Variants in MMP16 observed in about 807,000 individuals in gnomAD.
The protein encoded by MMP16 is matrix metalloproteinase-16.
Under a neutral mutation model 67.8 loss-of-function variants are expected in MMP16, and 12 were observed. The ratio of observed to expected loss-of-function variants is 0.18; its 90% confidence interval spans 0.11 to 0.29. MMP16 has a LOEUF of 0.29. Ranked by LOEUF, MMP16 falls within the 10% of genes least tolerant of loss-of-function variation. The pLI is 1.00. For synonymous variants in MMP16, 249 were observed against 255.9 expected, an observed-to-expected ratio of 0.97 and a Z score of 0.26; for missense variants, 475 against 765.7, an observed-to-expected ratio of 0.62 and a Z score of 4.48.
intron 1 of MMP16, among the ~76,000 whole-genome samples, chr8:88,215,933 T>C (rs1027831084): frequency 3.3e-5 from 5 of 152,210 alleles, no homozygotes; most frequent in African/African-American, 4.8e-5. Flanking sequence ...ACATATCATC[T>C]TGATAGCCTT....
chr8:88,235,673 G>A (rs6469306), intron 1 of MMP16, among the ~76,000 whole-genome samples: 2 of 152,026 alleles, frequency 1.3e-5, no homozygotes, highest in Admixed American at 1.3e-4. Flanking sequence ...TGTCTAGCTT[G>A]CATAGCTCTT....
In MMP16 at chr8:88,213,285, C is replaced by T. The variant is rs372628399; in HGVS notation, c.133-15979G>A. ...CATGCCATTCTGACTTGATAAATAC[C>T]GCAAATTAAAATTTGAAATGGGTCA... On this transcript the variant is annotated intron_variant, in intron 1 of 9. Coordinates refer to ENST00000286614, the MANE Select transcript of MMP16 (RefSeq NM_005941.5). 1.6e-3 allele frequency among the ~76,000 whole-genome samples: 248 copies of T among 152,052 alleles called. 1 individual carries two copies. Among genetic ancestry groups the T allele is most frequent in the African/African-American group, 5.8e-3 (240 of 41,472 alleles).
At chr8:88,083,921 T>C (rs751899435) in intron 6 of MMP16, among the ~76,000 whole-genome samples, 1 of 152,022 alleles carries the variant, frequency 6.6e-6, no homozygotes, top group Non-Finnish European at 1.5e-5. Context: ...AAAATTTTCA[T>C]GTTGTGGTAA....
chr8:88,229,030 A>G (rs1045336462), intron 1 of MMP16, among the ~76,000 whole-genome samples: 2 of 151,778 alleles, frequency 1.3e-5, no homozygotes, highest in African/African-American at 4.8e-5. Flanking sequence ...GTGTGGTAGT[A>G]CACACCTGTA....
At chr8:88,054,021 T>C (rs578186725) in intron 8 of MMP16, among the ~76,000 whole-genome samples, 1 of 152,284 alleles carries the variant, frequency 6.6e-6, no homozygotes, top group East Asian at 1.9e-4. Context: ...GCATCTAACC[T>C]CCACTGATTT....
intron 1 of MMP16, among the ~76,000 whole-genome samples, chr8:88,210,629 G>A (rs940188212): frequency 6.6e-6 from 1 of 152,088 alleles, no homozygotes; most frequent in Non-Finnish European, 1.5e-5. Context: ...ATATAGCAAA[G>A]ATTAGCAGCT....
At chr8:88,208,854 A>C (rs531951257) in intron 1 of MMP16, among the ~76,000 whole-genome samples, 3 of 151,856 alleles carry the variant, frequency 2.0e-5, no homozygotes, top group East Asian at 1.9e-4. Flanking sequence ...AAAAAAAAAT[A>C]AAAAGAGGAG....
rs143422334 is a variant in MMP16, at chr8:88,205,938, C to T, written c.133-8632G>A. ...ATTCTTTTTTCTTTTACCTCATCAT[C>T]GATATCCAATCCATCATCAGGTTTT... On this transcript the variant is annotated intron_variant, in intron 1 of 9. Coordinates refer to ENST00000286614, the MANE Select transcript of MMP16 (RefSeq NM_005941.5). 8.6e-3 allele frequency among the ~76,000 whole-genome samples: 1,301 copies of T among 152,074 alleles called. 32 individuals carry two copies. Among genetic ancestry groups the T allele is most frequent in the South Asian group, 0.085 (408 of 4,808 alleles).
At chr8:88,194,121 A>G (rs1809213774) in intron 2 of MMP16, among the ~76,000 whole-genome samples, 1 of 151,994 alleles carries the variant, frequency 6.6e-6, no homozygotes, top group Non-Finnish European at 1.5e-5. Context: ...ATTGTTTGAA[A>G]ATGGTTAATT....
chr8:88,172,201 AT>A (rs959151801), intron 3 of MMP16, among the ~76,000 whole-genome samples: 9 of 151,940 alleles, frequency 5.9e-5, no homozygotes, highest in Non-Finnish European at 1.0e-4. Context: ...GTAACCCCTC[AT>A]TTTTTTTATG....
intron 1 of MMP16, among the ~76,000 whole-genome samples, chr8:88,206,985 A>C (rs1436156937): frequency 6.6e-6 from 1 of 152,176 alleles, no homozygotes; most frequent in Non-Finnish European, 1.5e-5. Context: ...TTTTTCATTA[A>C]ATACAGTGGA....
At chr8:88,060,223 C>T (rs937406175) in intron 7 of MMP16, among the ~76,000 whole-genome samples, 2 of 152,088 alleles carry the variant, frequency 1.3e-5, no homozygotes, top group African/African-American at 4.8e-5. Context: ...TGAGCCCAAG[C>T]CTGTTGGCCA....
Position 88,056,149 on chromosome 8 carries a change from G to T in MMP16, c.1352C>A (p.Thr451Asn). Reference protein sequence around the residue: ...SAIWWEDVGKTYFFKGDRYWR... With the variant: ...SAIWWEDVGKNYFFKGDRYWR... ...TGACCTGTCTCCCTTGAAGAAATAG[G>T]TTTTCCCGACGTCCTCCCACCAAAT... Residue 451 changes from threonine (T) to asparagine (N), a missense_variant, in exon 8 of 10, where the codon ACC becomes AAC. Thr to Asn is a moderately conservative substitution (Grantham distance 65). Around this residue, in one of 5 missense-constraint regions of MMP16, gnomAD observed 195 missense variants for 300.9 expected, o/e 0.65. Coordinates refer to ENST00000286614, the MANE Select transcript of MMP16 (RefSeq NM_005941.5). The T allele has an allele frequency of 6.3e-7, 1 of 1,578,692 alleles. No individual in the cohort carries two copies. The highest frequency in any genetic ancestry group is 1.4e-5 in the African/African-American group (1 of 73,690).
At chr8:88,272,284 T>G (rs1385411459) in intron 1 of MMP16, among the ~76,000 whole-genome samples, 1 of 152,222 alleles carries the variant, frequency 6.6e-6, no homozygotes, top group African/African-American at 2.4e-5. Context: ...AGATCATCAT[T>G]ATTCCCAATA....
intron 7 of MMP16, among the ~76,000 whole-genome samples, chr8:88,073,373 G>T (rs2118277564): frequency 6.6e-6 from 1 of 152,248 alleles, no homozygotes; most frequent in South Asian, 2.1e-4. Flanking sequence ...TACATGCCAG[G>T]CACTTTACAT....
chr8:88,202,537 T>A (rs1809359563), intron 1 of MMP16, among the ~76,000 whole-genome samples: 1 of 152,124 alleles, frequency 6.6e-6, no homozygotes, highest in Non-Finnish European at 1.5e-5. Flanking sequence ...GGCTGGAAAG[T>A]TGCAGAAGAC....
chr8:88,086,404 T>C lies in MMP16; in HGVS notation c.1084-11661A>G, dbSNP rs999781244. On this transcript the variant is annotated intron_variant, in intron 6 of 9. Transcript: ENST00000286614. ...AGGTGCTCTATTAAGTGTTGAAACA[T>C]GTAAAAGGTTTTCTTCCTTCCATTG... is the stretch of plus-strand genomic sequence containing the variant. Among the ~76,000 whole-genome samples the C allele has an allele frequency of 1.6e-4, 25 of 152,068 alleles. 1 individual carries two copies. The highest frequency in any genetic ancestry group is 6.0e-4 in the African/African-American group (25 of 41,394).
intron 1 of MMP16, among the ~76,000 whole-genome samples, chr8:88,263,987 AGT>A (rs56663859): frequency 0.65 from 92,313 of 141,726 alleles, 30,791 homozygotes; most frequent in East Asian, 0.87. Context: ...AGAGAGAGAG[AGT>A]GTGTGTGTGT....
At chr8:88,284,631 A>C (rs1810794125) in intron 1 of MMP16, among the ~76,000 whole-genome samples, 1 of 152,162 alleles carries the variant, frequency 6.6e-6, no homozygotes, top group Non-Finnish European at 1.5e-5. Context: ...TCTCAGAAGT[A>C]GATGACAGAC....
Sources: gnomAD v4.1 joint callset for allele counts (sites outside exome capture counted in the v4.1 genomes callset) on GRCh38, gnomAD v4.1.1 for gene constraint, gnomAD v4.1.1 regional missense constraint, MANE v1.5 for transcripts, NCBI Gene and HGNC (gene_info 2026-07-23, HGNC 2026-07-21) for gene names.